CNTNAP2: variants seen among roughly 807,000 people sequenced by gnomAD.
The protein encoded by CNTNAP2 is contactin-associated protein-like 2.
A neutral mutation model predicts 155.2 loss-of-function variants in CNTNAP2; 98 were observed. The observed-to-expected ratio is 0.63, with a 90% CI of 0.54 to 0.75. The LOEUF (loss-of-function observed/expected upper bound fraction) is 0.75, where lower values mean the gene tolerates loss of function less well. Among genes scored for constraint, CNTNAP2 ranks in the 30% least tolerant of loss-of-function variants. The pLI, the probability that CNTNAP2 is intolerant of heterozygous loss-of-function variation, is 0.00. For missense variants in CNTNAP2, 1,727 were observed against 1,688.1 expected (o/e 1.02, Z -0.40); for synonymous variants, 651 against 631.2 (o/e 1.03, Z -0.47).
intron 8 of CNTNAP2, among the ~76,000 whole-genome samples, chr7:147,236,421 G>GT (rs11341712): frequency 0.041 from 5,749 of 138,940 alleles, 137 homozygotes; most frequent in Admixed American, 0.05. Flanking sequence ...TTTTAAGCTT[G>GT]TTTTTTTTTT....
chr7:146,879,391 G>C (rs747530962), intron 3 of CNTNAP2, among the ~76,000 whole-genome samples: 1 of 151,972 alleles, frequency 6.6e-6, no homozygotes, highest in African/African-American at 2.4e-5. Context: ...TTATTTTAAT[G>C]TTACATTTGA....
intron 15 of CNTNAP2, among the ~76,000 whole-genome samples, chr7:148,009,462 A>G (rs969653874): frequency 3.3e-5 from 5 of 152,198 alleles, no homozygotes; most frequent in Non-Finnish European, 7.4e-5. Flanking sequence ...AAACTTGAAC[A>G]CTATACATAT....
At chr7:147,881,763 G>A (rs1439547270) in intron 13 of CNTNAP2, among the ~76,000 whole-genome samples, 2 of 152,206 alleles carry the variant, frequency 1.3e-5, no homozygotes, top group Non-Finnish European at 2.9e-5. Flanking sequence ...CTGAGGTCAT[G>A]AGTTTGAGAC....
chr7:147,997,967 T>C (rs1801835448), intron 15 of CNTNAP2, among the ~76,000 whole-genome samples: 1 of 152,136 alleles, frequency 6.6e-6, no homozygotes, highest in African/African-American at 2.4e-5. Context: ...GTGCGCATAC[T>C]CTCTACAGGG....
chr7:146,860,163 T>C (rs1025940567), intron 3 of CNTNAP2, among the ~76,000 whole-genome samples: 11 of 152,216 alleles, frequency 7.2e-5, no homozygotes, highest in Non-Finnish European at 1.5e-4. Flanking sequence ...TGGATATATA[T>C]AGACTCCACC....
intron 20 of CNTNAP2, among the ~76,000 whole-genome samples, chr7:148,262,519 C>T (rs1796581448): frequency 1.3e-5 from 2 of 152,092 alleles, no homozygotes; most frequent in African/African-American, 4.8e-5. Flanking sequence ...AATCTGTTTC[C>T]TTGCCTTTCT....
At chr7:147,899,542 A>G (rs907901197) in intron 13 of CNTNAP2, among the ~76,000 whole-genome samples, 4 of 152,174 alleles carry the variant, frequency 2.6e-5, no homozygotes, top group South Asian at 2.1e-4. Context: ...AAGAGAGTGG[A>G]TTTAACATTA....
intron 14 of CNTNAP2, among the ~76,000 whole-genome samples, chr7:147,954,613 A>T (rs1223584376): frequency 6.6e-6 from 1 of 152,198 alleles, no homozygotes; most frequent in Admixed American, 6.5e-5. Flanking sequence ...ACTGAAAAGC[A>T]TAGTTATTTT....
intron 1 of CNTNAP2, among the ~76,000 whole-genome samples, chr7:146,296,656 C>T (rs1186885902): frequency 6.6e-6 from 1 of 152,036 alleles, no homozygotes; most frequent in Non-Finnish European, 1.5e-5. Context: ...CCCAGTAAAA[C>T]ACACATTTTT....
chr7:146,350,250 G>A (rs974123459), intron 1 of CNTNAP2, among the ~76,000 whole-genome samples: 16 of 151,944 alleles, frequency 1.1e-4, no homozygotes, highest in Admixed American at 1.0e-3. Flanking sequence ...CTTTCTTCCA[G>A]TTGATCGAAA....
At chr7:147,300,613 CTAAT>C (rs1488099135) in intron 9 of CNTNAP2, among the ~76,000 whole-genome samples, 1 of 152,182 alleles carries the variant, frequency 6.6e-6, no homozygotes, top group Non-Finnish European at 1.5e-5. Context: ...TGCTTTGTAA[CTAAT>C]TATTCAAACC....
chr7:147,393,031 G>T (rs1245335319), intron 9 of CNTNAP2, among the ~76,000 whole-genome samples: 2 of 152,008 alleles, frequency 1.3e-5, no homozygotes, highest in Non-Finnish European at 2.9e-5. Context: ...ACATGGTGAT[G>T]ACTTGCCACG....
chr7:147,307,293 A>C (rs562671704), intron 9 of CNTNAP2, among the ~76,000 whole-genome samples: 13 of 152,316 alleles, frequency 8.5e-5, no homozygotes, highest in African/African-American at 3.1e-4. Flanking sequence ...TCTCATAAGA[A>C]ATGCCTTCAG....
chr7:146,822,558 A>G (rs1422672336), intron 2 of CNTNAP2, among the ~76,000 whole-genome samples: 1 of 150,940 alleles, frequency 6.6e-6, no homozygotes, highest in Non-Finnish European at 1.5e-5. Flanking sequence ...TTGTTCCTAC[A>G]GTGTCTGAGT....
intron 14 of CNTNAP2, among the ~76,000 whole-genome samples, chr7:147,929,570 C>G (rs1237454870): frequency 6.6e-6 from 1 of 152,134 alleles, no homozygotes; most frequent in African/African-American, 2.4e-5. Flanking sequence ...TAGAGATAGA[C>G]TAATCCATTA....
chr7:146,336,537 AG>A (rs757468187), intron 1 of CNTNAP2, among the ~76,000 whole-genome samples: 1 of 145,456 alleles, frequency 6.9e-6, no homozygotes, highest in Non-Finnish European at 1.5e-5. Context: ...TAATCCATAA[AG>A]GAAAAAAAAA....
chr7:148,026,009 G>A (rs1802368660), intron 15 of CNTNAP2, among the ~76,000 whole-genome samples: 1 of 152,192 alleles, frequency 6.6e-6, no homozygotes, highest in South Asian at 2.1e-4. Context: ...CTTCAGTCCA[G>A]GATAGCAGGA....
chr7:146,839,637 G>A, intron 2 of CNTNAP2, 74 bp from the exon 3 acceptor site: 1 of 1,507,920 alleles, frequency 6.6e-7, no homozygotes, highest in Non-Finnish European at 9.2e-7. Flanking sequence ...AAGATATGTA[G>A]AATATTCCAT....
intron 1 of CNTNAP2, among the ~76,000 whole-genome samples, chr7:146,757,931 A>G (rs1015909481): frequency 2.0e-5 from 3 of 152,100 alleles, no homozygotes; most frequent in Non-Finnish European, 2.9e-5. Context: ...TTCTGATTAC[A>G]TTGTTTTCTC....
Sources: allele counts gnomAD v4.1 joint callset (sites outside exome capture counted in the v4.1 genomes callset), GRCh38; gene constraint gnomAD v4.1.1; transcripts MANE v1.5; gene names NCBI Gene and HGNC (gene_info 2026-07-23, HGNC 2026-07-21).